The following SRGAP2 variants were observed in gnomAD, a reference collection of about 807,000 sequenced individuals.
The protein encoded by SRGAP2 is SLIT-ROBO Rho GTPase activating protein 2.
A neutral mutation model predicts 57.2 loss-of-function variants in SRGAP2; 15 were observed. The observed-to-expected ratio is 0.26, with a 90% confidence interval of 0.18 to 0.40. The LOEUF is 0.40. Ranked by LOEUF, SRGAP2 falls within the 10% of genes least tolerant of loss-of-function variation. SRGAP2 has a pLI of 1.00. For synonymous variants in SRGAP2, 249 were observed against 248.0 expected, an observed-to-expected ratio of 1.00 and a Z score of -0.04; for missense variants, 520 against 669.6, an observed-to-expected ratio of 0.78 and a Z score of 2.47.
chr1:206,424,905 T>C (rs1325433697), intron 13 of SRGAP2, among the ~76,000 whole-genome samples: 1 of 152,234 alleles, frequency 6.6e-6, no homozygotes, highest in African/African-American at 2.4e-5. Flanking sequence ...GAAAAATGCC[T>C]GTGCAGTAGG....
At chr1:206,355,627 C>T (rs1571940614) in intron 4 of SRGAP2, among the ~76,000 whole-genome samples, 1 of 152,170 alleles carries the variant, frequency 6.6e-6, no homozygotes, top group Non-Finnish European at 1.5e-5. Flanking sequence ...TAATTTTAGA[C>T]AAGTTACTTT....
rs1571800900 is a variant in SRGAP2 at position 206,304,262 on chromosome 1, A to T, written c.260+789A>T. ...ATATTAGAATTCCCTGGAGAACTTT[A>T]AAAAAAATACAGAAATCTGGGCCCC... is the stretch of plus-strand genomic sequence containing the variant. On this transcript the variant is annotated intron_variant, in intron 3 of 22. Coordinates refer to ENST00000573034, the MANE Select transcript of SRGAP2 (RefSeq NM_015326.5). Among the ~76,000 whole-genome samples, 5 of 142,144 alleles carry T rather than the reference A, an allele frequency of 3.5e-5. No individual in the cohort carries two copies. In the East Asian group the frequency reaches 8.2e-4, roughly 23 times the overall value. The allele number at this position is 142,144 out of a possible 152,430, so 93.3% of individuals were successfully genotyped here. A position where few individuals can be genotyped will look rare whatever the true frequency, so the allele number is the denominator to read the frequency against.
At chr1:206,432,095 A>G (rs782686080) in intron 14 of SRGAP2, among the ~76,000 whole-genome samples, 5 of 152,332 alleles carry the variant, frequency 3.3e-5, no homozygotes, top group African/African-American at 9.6e-5. Context: ...CTGATGCTCT[A>G]TGGAGCTAAG....
rs185665333 is a variant in SRGAP2 at position 206,427,836 on chromosome 1, C to T, written c.1495-2326C>T. On this transcript the variant is annotated intron_variant, in intron 13 of 22. Transcript: ENST00000573034. ...AAACCCTACTGGTTTAGGCCAGGCA[C>T]GATGGTTCATACCTGTAATCCCAGT... 1.6e-4 allele frequency among the ~76,000 whole-genome samples: 25 copies of T among 152,270 alleles called. No individual in the cohort carries two copies. In the East Asian group the frequency reaches 4.6e-3, roughly 28 times the overall value.
chr1:206,434,827 C>G (rs1553369436), intron 14 of SRGAP2, among the ~76,000 whole-genome samples: 1 of 152,162 alleles, frequency 6.6e-6, no homozygotes, highest in Non-Finnish European at 1.5e-5. Context: ...CCTTGGTGTC[C>G]TAACCTACCA....
chr1:206,357,760 G>GT (rs1409633044), intron 4 of SRGAP2, among the ~76,000 whole-genome samples: 6 of 147,566 alleles, frequency 4.1e-5, no homozygotes, highest in East Asian at 2.0e-4. Context: ...AGTTTTTTGT[G>GT]TTTTTTTAGT....
Position 206,458,707 on chromosome 1 carries a change from C to T in SRGAP2, c.2592C>T (p.Ser864=). ...GGCTGAGCAGTTCCCTGACTGACTC[C>T]TCCTCCCCAGGGGTGGGGGCTAGCT... ...SHGLSSSLTD[S]SSPGVGASCR... Residue 864 remains serine, a synonymous_variant, in exon 22 of 23, where the codon TCC becomes TCT. Transcript: ENST00000573034. The T allele has an allele frequency of 1.3e-6, 1 of 779,984 alleles. No homozygotes were observed. The highest frequency in any genetic ancestry group is 1.3e-5 in the South Asian group (1 of 74,356). 48.3% of individuals were successfully genotyped at this position (779,984 alleles called of 1,614,324 possible). A position where few individuals can be genotyped will look rare whatever the true frequency, so the allele number is the denominator to read the frequency against.
intron 2 of SRGAP2, among the ~76,000 whole-genome samples, chr1:206,292,797 A>C (rs1671401019): frequency 6.6e-6 from 1 of 150,800 alleles, no homozygotes. Flanking sequence ...GATGGCTCCC[A>C]AGTGTCTATT....
chr1:206,437,118 A>G (rs1368951855), intron 15 of SRGAP2, 76 bp downstream of exon 15: 9 of 772,530 alleles, frequency 1.2e-5, no homozygotes, highest in Non-Finnish European at 2.2e-5. Flanking sequence ...TTTCTTCTCT[A>G]AGAGGTCCCC....
rs1458963645 is a variant in SRGAP2, at chr1:206,209,702, CAG to C, written c.67+3666_67+3667del. On this transcript the variant is annotated intron_variant, in intron 2 of 22. Coordinates refer to ENST00000573034, the MANE Select transcript of SRGAP2 (RefSeq NM_015326.5). ...ATATGTAGTTGTCCGTCAGTATCCT[CAG>C]GGGATTGGTTCAAGGACTACCCCCA... 1.5e-4 allele frequency among the ~76,000 whole-genome samples: 22 copies of C among 151,496 alleles called. No individual in the cohort carries two copies. In the East Asian group the frequency reaches 3.9e-3, roughly 27 times the overall value.
At chr1:206,257,794 T>C (rs1291507068) in intron 2 of SRGAP2, among the ~76,000 whole-genome samples, 16 of 134,198 alleles carry the variant, frequency 1.2e-4, no homozygotes, top group African/African-American at 4.1e-4. Flanking sequence ...TTTTTTCAGA[T>C]GGTGATAAGT....
intron 3 of SRGAP2, among the ~76,000 whole-genome samples, chr1:206,323,445 A>G (rs1553328445): frequency 6.7e-6 from 1 of 148,704 alleles, no homozygotes; most frequent in East Asian, 2.1e-4. Flanking sequence ...CTTCTGGGCC[A>G]GCCCTGTCTC....
chr1:206,325,881 C>T (rs1380099571), intron 3 of SRGAP2, among the ~76,000 whole-genome samples: 2 of 152,212 alleles, frequency 1.3e-5, no homozygotes, highest in African/African-American at 4.8e-5. Flanking sequence ...GTTGTAATCT[C>T]TGGCAGACGA....
At position 206,281,925 on chromosome 1, in the gene SRGAP2, CA is replaced by C. The variant is rs1286343549; in HGVS notation, c.68-21347del. Among the ~76,000 whole-genome samples the C allele has an allele frequency of 9.6e-5, 13 of 135,488 alleles. 1 individual carries two copies. In the South Asian group the frequency reaches 2.7e-3, roughly 28 times the overall value. The allele number at this position is 135,488 out of a possible 152,430, so 88.9% of individuals were successfully genotyped here. A position where few individuals can be genotyped will look rare whatever the true frequency, so the allele number is the denominator to read the frequency against. ...TGAGACTCCGTCACAAAAAAAAAAA[CA>C]AAAAAAAACCTTTTCTTTGTTGGAA... On this transcript the variant is annotated intron_variant, in intron 2 of 22. Coordinates refer to ENST00000573034, the MANE Select transcript of SRGAP2 (RefSeq NM_015326.5).
chr1:206,281,995 A>T (rs1259067550), intron 2 of SRGAP2, among the ~76,000 whole-genome samples: 1 of 147,416 alleles, frequency 6.8e-6, no homozygotes, highest in Non-Finnish European at 1.5e-5. Context: ...TTTTAAAATT[A>T]CTAATAACTT....
At chr1:206,328,115 T>C (rs1429940515) in intron 3 of SRGAP2, among the ~76,000 whole-genome samples, 1 of 122,544 alleles carries the variant, frequency 8.2e-6, no homozygotes, top group African/African-American at 4.3e-5. Context: ...ATTTCATCCA[T>C]GTCCCTACAA....
chr1:206,221,958 T>TC (rs1553304808), intron 2 of SRGAP2, among the ~76,000 whole-genome samples: 1 of 57,578 alleles, frequency 1.7e-5, no homozygotes, highest in African/African-American at 1.1e-4. Context: ...TTTTTTTTTT[T>TC]TTTTTTTTAA....
chr1:206,239,664 G>A (rs1200190252), intron 2 of SRGAP2, among the ~76,000 whole-genome samples: 1 of 146,712 alleles, frequency 6.8e-6, no homozygotes, highest in African/African-American at 2.6e-5. Flanking sequence ...CACCATGTTG[G>A]CCAGGCTGGT....
intron 14 of SRGAP2, among the ~76,000 whole-genome samples, chr1:206,432,626 A>G (rs1553368690): frequency 1.3e-5 from 2 of 152,232 alleles, no homozygotes; most frequent in African/African-American, 4.8e-5. Context: ...ATATGGAGAG[A>G]TTCCCAGGAT....
Sources: gnomAD v4.1 joint callset for allele counts (sites outside exome capture counted in the v4.1 genomes callset) on GRCh38, gnomAD v4.1.1 for gene constraint, MANE v1.5 for transcripts, NCBI Gene and HGNC (gene_info 2026-07-23, HGNC 2026-07-21) for gene names.